The following UACA variants were observed in gnomAD, a reference collection of about 807,000 sequenced individuals.
UACA encodes uveal autoantigen with coiled-coil domains and ankyrin repeats.
UACA carries 112 observed loss-of-function variants against 160.5 expected under a neutral mutation model. That is an observed-to-expected ratio of 0.70 (90% CI 0.60 to 0.82). The LOEUF (loss-of-function observed/expected upper bound fraction) is 0.82, where lower values mean the gene tolerates loss of function less well. UACA is among the 40% of genes least tolerant of loss of function. The pLI, the probability that UACA is intolerant of heterozygous loss-of-function variation, is 0.00. For synonymous variants in UACA, 557 were observed against 568.4 expected (o/e 0.98, Z 0.29); for missense variants, 1,574 against 1,614.6 (o/e 0.97, Z 0.43).
intron 1 of UACA, chr15:70,701,913 C>A: frequency 6.2e-7 from 1 of 1,613,392 alleles, no homozygotes. Context: ...AACAGTTCAT[C>A]ATAGACAGGA....
At chr15:70,741,707 G>T (rs1899541582) in intron 1 of UACA, among the ~76,000 whole-genome samples, 1 of 152,146 alleles carries the variant, frequency 6.6e-6, no homozygotes, top group South Asian at 2.1e-4. Context: ...TATACTATGT[G>T]ATTAAAACGT....
the UACA span, among the ~76,000 whole-genome samples, chr15:70,777,764 G>A: frequency 2.0e-5 from 3 of 152,124 alleles, no homozygotes; most frequent in African/African-American, 7.2e-5. Context: ...AGAGGAAATC[G>A]GAGGAAAAGA....
At chr15:70,702,216 A>C (rs1054928315) in intron 1 of UACA, 1 of 1,121,074 alleles carries the variant, frequency 8.9e-7, no homozygotes, top group African/African-American at 1.6e-5. Context: ...TATCTTTCAA[A>C]GTTGTCCCTT....
rs1394712701 is a variant in UACA at position 70,660,183 on chromosome 15, T to C, written c.4147A>G (p.Ile1383Val). The change falls in exon 18 of 19, where the codon ATT (isoleucine) becomes GTT (valine). Residue 1383 changes from isoleucine (I) to valine (V), a missense_variant. Ile to Val is a conservative substitution (Grantham distance 29, BLOSUM62 3). Coordinates refer to ENST00000322954, the MANE Select transcript of UACA (RefSeq NM_018003.4). ...GCACTAAGAAGGTGTGTCCGATAAA[T>C]TGCAATTACTTCTTGGTGCTGTCTG... Reference protein sequence around the residue: ...ADRQHQEVIAIYRTHLLSAAQ... With the variant: ...ADRQHQEVIAVYRTHLLSAAQ... 2.0e-5 allele frequency: 33 copies of C among 1,613,636 alleles called. No individual in the cohort carries two copies. Among genetic ancestry groups the C allele is most frequent in the South Asian group, 3.3e-5 (3 of 90,978 alleles).
chr15:70,740,276 T>C (rs535444699), intron 1 of UACA, among the ~76,000 whole-genome samples: 76 of 152,282 alleles, frequency 5.0e-4, no homozygotes, highest in Middle Eastern at 3.4e-3. Context: ...AAATCTGTGA[T>C]AGCACTGGCC....
At chr15:70,659,714 G>C (rs187268863) in intron 18 of UACA, among the ~76,000 whole-genome samples, 1 of 151,860 alleles carries the variant, frequency 6.6e-6, no homozygotes. Context: ...CCAAGTTAAG[G>C]CTTGGTAAAA....
At chr15:70,765,851 A>T (rs751460691), upstream of UACA, among the ~76,000 whole-genome samples, 14 of 152,148 alleles carry the variant, frequency 9.2e-5, no homozygotes, top group Non-Finnish European at 1.6e-4. Flanking sequence ...CCCATTTACC[A>T]TCTAGTCCTC....
At chr15:70,689,429 G>A (rs1428046867) in intron 5 of UACA, among the ~76,000 whole-genome samples, 1 of 152,034 alleles carries the variant, frequency 6.6e-6, no homozygotes, top group Non-Finnish European at 1.5e-5. Context: ...ACTTACAGGG[G>A]TCATTGTGAG....
rs1471807664 is a variant in UACA, at chr15:70,669,296, A to C, written c.1388T>G (p.Leu463Arg). The C allele has an allele frequency of 6.2e-7, 1 of 1,613,958 alleles. No individual in the cohort carries two copies. The highest frequency in any genetic ancestry group is 1.1e-5 in the South Asian group (1 of 91,074). Residue 463 changes from leucine (L) to arginine (R), a missense_variant, in exon 16 of 19, where the codon CTC (leucine) becomes CGC (arginine). Physicochemically the swap from Leu to Arg is moderately radical, Grantham distance 102 (BLOSUM62 -2). Coordinates refer to ENST00000322954, the MANE Select transcript of UACA (RefSeq NM_018003.4). ...CACTTTGTGTGCCAGTTCATTTTGG[A>C]GCTTCAGTCGGTCTTGTTTTGCTGA... The part of the protein sequence containing the change: ...CESAKQDRLK[L>R]QNELAHKVAE...
chr15:70,748,843 C>A (rs1383866838), intron 1 of UACA: 1 of 152,358 alleles, frequency 6.6e-6, no homozygotes, highest in African/African-American at 2.4e-5. Flanking sequence ...ACCAGTATTT[C>A]ATGGATGTGA....
At chr15:70,716,367 C>T (rs1898821633) in intron 1 of UACA, among the ~76,000 whole-genome samples, 1 of 152,186 alleles carries the variant, frequency 6.6e-6, no homozygotes, top group Non-Finnish European at 1.5e-5. Flanking sequence ...ACATGAGTGA[C>T]CCCAGACAGA....
intron 18 of UACA, among the ~76,000 whole-genome samples, chr15:70,657,725 C>G (rs898573002): frequency 1.3e-5 from 2 of 151,996 alleles, no homozygotes; most frequent in African/African-American, 4.8e-5. Context: ...TATAAATGAA[C>G]AAAGTAAACT....
chr15:70,775,571 G>A, the UACA span, among the ~76,000 whole-genome samples: 1 of 152,178 alleles, frequency 6.6e-6, no homozygotes, highest in Non-Finnish European at 1.5e-5. Context: ...TTGGAGTTAG[G>A]AATAGGTATG....
At chr15:70,683,840 T>TA (rs1310378918) in intron 8 of UACA, among the ~76,000 whole-genome samples, 83 of 151,870 alleles carry the variant, frequency 5.5e-4, no homozygotes, top group African/African-American at 1.9e-3. Context: ...CCTGTTTTTT[T>TA]TAAAAAAAAC....
chr15:70,706,162 A>G (rs1333728126), intron 1 of UACA, among the ~76,000 whole-genome samples: 1 of 152,178 alleles, frequency 6.6e-6, no homozygotes, highest in Non-Finnish European at 1.5e-5. Context: ...TTAATAGAAT[A>G]AAGGACAAAA....
rs116985912 is a variant in UACA, at chr15:70,673,475, G to A, written c.1132-1474C>T. 3.7e-3 allele frequency among the ~76,000 whole-genome samples: 566 copies of A among 152,256 alleles called. 3 individuals are homozygous for A. The highest frequency in any genetic ancestry group is 0.01 in the Middle Eastern group (3 of 294). ...TCCATTAATCATTAGTGCCCCCACA[G>A]TATGAAAAAATACCTATAAGCTTAG... On this transcript the variant is annotated intron_variant, in intron 13 of 18. Coordinates refer to ENST00000322954, the MANE Select transcript of UACA (RefSeq NM_018003.4).
chr15:70,769,214 C>T, the UACA span, among the ~76,000 whole-genome samples: 2 of 151,454 alleles, frequency 1.3e-5, no homozygotes, highest in African/African-American at 2.4e-5. Flanking sequence ...AAAAATTAGC[C>T]GGGCGTGATA....
intron 1 of UACA, among the ~76,000 whole-genome samples, chr15:70,742,325 T>C (rs1899562643): frequency 6.6e-6 from 1 of 152,226 alleles, no homozygotes; most frequent in Non-Finnish European, 1.5e-5. Context: ...TCAAAAGCTA[T>C]TTCCTCAGCA....
chr15:70,703,056 A>T, intron 1 of UACA: 1 of 1,270,272 alleles, frequency 7.9e-7, no homozygotes, highest in Non-Finnish European at 1.0e-6. Context: ...CTAGACTATT[A>T]AAAAAATCTC....
Sources: gnomAD v4.1 joint callset for allele counts (sites outside exome capture counted in the v4.1 genomes callset) on GRCh38, gnomAD v4.1.1 for gene constraint, MANE v1.5 for transcripts, NCBI Gene and HGNC (gene_info 2026-07-23, HGNC 2026-07-21) for gene names.